Variants in CXCR4 observed in about 807,000 individuals in gnomAD.
CXCR4 encodes C-X-C motif chemokine receptor 4.
Under a neutral mutation model 22.4 loss-of-function variants are expected in CXCR4, and 6 were observed. The ratio of observed to expected loss-of-function variants is 0.27; its 90% CI spans 0.15 to 0.53. The LOEUF (loss-of-function observed/expected upper bound fraction) is 0.53. Ranked by LOEUF, CXCR4 falls within the 20% of genes least tolerant of loss-of-function variation. The pLI, the probability that CXCR4 is intolerant of heterozygous loss-of-function variation, is 0.96. For synonymous variants in CXCR4, 155 were observed against 171.7 expected (o/e 0.90, Z 0.76); for missense variants, 300 against 430.4 (o/e 0.70, Z 2.68).
chr2:136,114,538 TTATC>T lies in CXCR4; in HGVS notation c.*327_*330del. The T allele has an allele frequency of 3.8e-6, 1 of 262,228 alleles. No individual in the cohort carries two copies. Among genetic ancestry groups the T allele is most frequent in the Admixed American group, 4.9e-5 (1 of 20,432 alleles). The allele number at this position is 262,228 out of a possible 1,614,324, so 16.2% of individuals were successfully genotyped here. ...AAAACGTTCCACGGGAATGGAGAGA[TTATC>T]TATGCATAAACAGCTGGGGATCATT... On this transcript the variant is annotated 3_prime_UTR_variant, in exon 2 of 2. Transcript: ENST00000241393.
chr2:136,117,837 T>A, intron 1 of CXCR4: 5 of 515,002 alleles, frequency 9.7e-6, no homozygotes, highest in Non-Finnish European at 1.7e-5. Flanking sequence ...TCGTTTCTCC[T>A]CGACTCACAG....
chr2:136,117,869 T>TCCTCCCCC, intron 1 of CXCR4, 177 bp downstream of exon 1: 1 of 170,812 alleles, frequency 5.9e-6, no homozygotes, highest in Non-Finnish European at 1.2e-5. Context: ...CCAATCCTGC[T>TCCTCCCCC]CCCCCCCCAC....
chr2:136,115,400 G>T lies in CXCR4; in HGVS notation c.528C>A (p.Asn176Lys). Residue 176 changes from asparagine (N) to lysine (K), a missense_variant, in exon 2 of 2, where the codon AAC becomes AAA. By Grantham distance (94) the Asn-to-Lys change is moderately conservative. Transcript: ENST00000241393. The surrounding 1 kb of genome is among the most constrained non-coding windows in gnomAD (Gnocchi z 6.4). The stretch of plus-strand genomic sequence containing the variant: ...TATATCTGTCATCTGCCTCACTGAC[G>T]TTGGCAAAGATGAAGTCGGGAATAG... Reference protein sequence around the residue: ...LLTIPDFIFANVSEADDRYIC... With the variant: ...LLTIPDFIFAKVSEADDRYIC... The T allele has an allele frequency of 6.2e-7, 1 of 1,614,192 alleles. No individual in the cohort carries two copies. Among genetic ancestry groups the T allele is most frequent in the Non-Finnish European group, 8.5e-7 (1 of 1,180,042 alleles).
Position 136,115,839 on chromosome 2 carries a change from C to G in CXCR4, c.89G>C (p.Arg30Pro). ...DYDSMKEPCF[R>P]EENANFNKIF... ...TTTATTGAAATTAGCATTTTCTTCA[C>G]GGAAACAGGGTTCCTTCATGGAGTC... The change falls in exon 2 of 2, where the codon CGT becomes CCT. Residue 30 changes from arginine (R) to proline (P), a missense_variant. Physicochemically the swap from Arg to Pro is moderately radical, Grantham distance 103. Transcript: ENST00000241393. The surrounding 1 kb of genome is among the most constrained non-coding windows in gnomAD (Gnocchi z 6.4). 1 of 1,614,136 alleles carries G rather than the reference C, an allele frequency of 6.2e-7. No individual in the cohort carries two copies. Among genetic ancestry groups the G allele is most frequent in the East Asian group, 2.2e-5 (1 of 44,884 alleles).
rs966330319 is a variant in CXCR4, at chr2:136,114,549, T to C, written c.*320A>G. 3.6e-6 allele frequency: 1 copy of C among 276,348 alleles called. No individual in the cohort carries two copies. The highest frequency in any genetic ancestry group is 2.2e-5 in the African/African-American group (1 of 45,748). The allele number at this position is 276,348 out of a possible 1,614,324, so 17.1% of individuals were successfully genotyped here. A position where few individuals can be genotyped will look rare whatever the true frequency, so the allele number is the denominator to read the frequency against. ...CGGGAATGGAGAGATTATCTATGCA[T>C]AAACAGCTGGGGATCATTTCTAGCT... is the stretch of plus-strand genomic sequence containing the variant. On this transcript the variant is annotated 3_prime_UTR_variant, in exon 2 of 2. Coordinates refer to ENST00000241393, the MANE Select transcript of CXCR4 (RefSeq NM_003467.3).
intron 1 of CXCR4, chr2:136,116,290 A>G (rs1684887166): frequency 3.6e-6 from 4 of 1,102,494 alleles, no homozygotes; most frequent in Non-Finnish European, 4.5e-6. Context: ...GGCCACTCCC[A>G]GGCGGCGTGG....
chr2:136,117,720 T>A (rs1573616823), intron 1 of CXCR4: 1 of 287,096 alleles, frequency 3.5e-6, no homozygotes, highest in Non-Finnish European at 6.6e-6. Context: ...ACGCCTTCTC[T>A]GCACTTGTGC....
chr2:136,117,969 G>T (rs983451824), intron 1 of CXCR4, 77 bp downstream of exon 1: 2 of 1,489,504 alleles, frequency 1.3e-6, no homozygotes, highest in Non-Finnish European at 1.9e-6. Flanking sequence ...GGCCGCTTCT[G>T]CCCGCTCGGA....
Position 136,115,787 on chromosome 2 carries a change from G to A in CXCR4, c.141C>T (p.Ile47=). 1.2e-6 allele frequency: 2 copies of A among 1,614,212 alleles called. No homozygotes were observed. Among genetic ancestry groups the A allele is most frequent in the Non-Finnish European group, 1.7e-6 (2 of 1,180,038 alleles). Reference sequence around the variant, plus strand: ...TGCCCACAATGCCAGTTAAGAAGATGATGGAGTAGATGGTGGGCAGGAAGA... The same window carrying A: ...TGCCCACAATGCCAGTTAAGAAGATAATGGAGTAGATGGTGGGCAGGAAGA... The part of the protein sequence containing the change: ...NKIFLPTIYS[I]IFLTGIVGNG... Residue 47 remains isoleucine, a synonymous_variant, in exon 2 of 2, where the codon ATC becomes ATT. Coordinates refer to ENST00000241393, the MANE Select transcript of CXCR4 (RefSeq NM_003467.3). This position sits in a 1 kb window ranked among gnomAD's most constrained non-coding sequence, Gnocchi z 6.4.
In CXCR4 at chr2:136,115,158, A is replaced by G. The variant is rs1194919682; in HGVS notation, c.770T>C (p.Ile257Thr). 2 of 1,614,152 alleles carry G rather than the reference A, an allele frequency of 1.2e-6. No homozygotes were observed. Among genetic ancestry groups the G allele is most frequent in the Non-Finnish European group, 1.7e-6 (2 of 1,180,010 alleles). ...GATGAAGGAGTCGATGCTGATCCCA[A>G]TGTAGTAAGGCAGCCAACAGGCGAA... ...AFFACWLPYY[I>T]GISIDSFILL... Residue 257 changes from isoleucine to threonine, a missense_variant, in exon 2 of 2, where the codon ATT (isoleucine) becomes ACT (threonine). By Grantham distance (89) the Ile-to-Thr change is moderately conservative. Coordinates refer to ENST00000241393, the MANE Select transcript of CXCR4 (RefSeq NM_003467.3). The surrounding 1 kb of genome is among the most constrained non-coding windows in gnomAD (Gnocchi z 6.4).
rs779590491 is a variant in CXCR4 at position 136,115,825 on chromosome 2, T to C, written c.103A>G (p.Asn35Asp). 2.5e-6 allele frequency: 4 copies of C among 1,614,158 alleles called. No individual in the cohort carries two copies. Among genetic ancestry groups the C allele is most frequent in the South Asian group, 2.2e-5 (2 of 91,074 alleles). The change falls in exon 2 of 2, where the codon AAT becomes GAT. Residue 35 changes from asparagine (N) to aspartate (D), a missense_variant. Around this residue, in one of 3 missense-constraint regions of CXCR4, gnomAD observed 118 missense variants for 188.2 expected, o/e 0.63. Transcript: ENST00000241393. The surrounding 1 kb of genome is among the most constrained non-coding windows in gnomAD (Gnocchi z 6.4). The stretch of plus-strand genomic sequence containing the variant: ...GTGGGCAGGAAGATTTTATTGAAAT[T>C]AGCATTTTCTTCACGGAAACAGGGT... ...KEPCFREENA[N>D]FNKIFLPTIY...
At chr2:136,117,878 A>ACCCCCCCCCCC in intron 1 of CXCR4, 168 bp downstream of exon 1, 1 of 113,486 alleles carries the variant, frequency 8.8e-6, no homozygotes. Flanking sequence ...CTCCCCCCCC[A>ACCCCCCCCCCC]CCCACCCGCA....
chr2:136,117,773 G>C (rs1289203209), intron 1 of CXCR4: 4 of 455,004 alleles, frequency 8.8e-6, no homozygotes, highest in Non-Finnish European at 1.6e-5. Context: ...AAGCCGCCGC[G>C]CGCGGCGGGA....
In CXCR4 at chr2:136,114,854, T is replaced by G. The variant is rs1684836925; in HGVS notation, c.*15A>C. On this transcript the variant is annotated 3_prime_UTR_variant, in exon 2 of 2. Coordinates refer to ENST00000241393, the MANE Select transcript of CXCR4 (RefSeq NM_003467.3). ...AAGTTATTTATCGTATAAAAAAAAG[T>G]CTTTTACATCTGTGTTAGCTGGAGT... 7 of 1,581,984 alleles carry G rather than the reference T, an allele frequency of 4.4e-6. No individual in the cohort carries two copies. Among genetic ancestry groups the G allele is most frequent in the Non-Finnish European group, 6.0e-6 (7 of 1,161,726 alleles).
At chr2:136,116,271 A>C (rs1233429125) in intron 1 of CXCR4, 12 of 1,149,444 alleles carry the variant, frequency 1.0e-5, no homozygotes, top group East Asian at 1.3e-4. Flanking sequence ...AAAAAAATAC[A>C]CACAAAGAGG....
rs112461257 is a variant in CXCR4, at chr2:136,115,382, G to C, written c.546C>G (p.Asp182Glu). ...FIFANVSEAD[D>E]RYICDRFYPN... ...GGTAGAAGCGGTCACAGATATATCT[G>C]TCATCTGCCTCACTGACGTTGGCAA... Residue 182 changes from aspartate to glutamate, a missense_variant, in exon 2 of 2, where the codon GAC (aspartate) becomes GAG (glutamate). Transcript: ENST00000241393. This position sits in a 1 kb window ranked among gnomAD's most constrained non-coding sequence, Gnocchi z 6.4. 1 of 1,614,216 alleles carries C rather than the reference G, an allele frequency of 6.2e-7. No homozygotes were observed. Among genetic ancestry groups the C allele is most frequent in the Non-Finnish European group, 8.5e-7 (1 of 1,180,044 alleles).
At chr2:136,117,798 A>C (rs1684957437) in intron 1 of CXCR4, 32 of 463,190 alleles carry the variant, frequency 6.9e-5, no homozygotes, top group East Asian at 2.5e-4. Flanking sequence ...AGGGGGAGAC[A>C]CATGCAGCCA....
Position 136,114,733 on chromosome 2 carries a change from AAAACT to A in CXCR4, c.*131_*135del. ...ATAAATAAGTCAATTAAACTTCACA[AAAACT>A]AAAGAAACACAAGACAAAAATCCAA... On this transcript the variant is annotated 3_prime_UTR_variant, in exon 2 of 2. Coordinates refer to ENST00000241393, the MANE Select transcript of CXCR4 (RefSeq NM_003467.3). 1 of 819,396 alleles carries A rather than the reference AAAACT, an allele frequency of 1.2e-6. No individual in the cohort carries two copies. The highest frequency in any genetic ancestry group is 1.9e-6 in the Non-Finnish European group (1 of 530,702). The allele number at this position is 819,396 out of a possible 1,614,324, so 50.8% of individuals were successfully genotyped here.
At chr2:136,117,882 A>ACCCCCCCCCCC in intron 1 of CXCR4, 164 bp downstream of exon 1, 2 of 110,668 alleles carry the variant, frequency 1.8e-5, no homozygotes, top group South Asian at 7.7e-5. Context: ...CCCCCCACCC[A>ACCCCCCCCCCC]CCCGCACTAT....
Sources: allele counts gnomAD v4.1 joint callset, GRCh38; gene constraint gnomAD v4.1.1; regional missense constraint gnomAD v4.1.1; non-coding constraint Gnocchi (gnomAD v3.1); transcripts MANE v1.5; gene names NCBI Gene and HGNC (gene_info 2026-07-23, HGNC 2026-07-21).